The following LIMCH1 variants were observed in gnomAD, a reference collection of about 807,000 sequenced individuals.
LIMCH1 encodes the protein LIM and calponin homology domains-containing protein 1.
In LIMCH1, 113 loss-of-function variants were observed where a neutral mutation model predicts 176.5. That is an observed-to-expected ratio of 0.64 (90% CI 0.55 to 0.75). LIMCH1 has a LOEUF of 0.75. LIMCH1 is among the 30% of genes least tolerant of loss of function. The probability of loss-of-function intolerance (pLI) is 0.00; values close to 1 mark genes in which losing one functional copy is unlikely to be tolerated. For missense variants in LIMCH1, 1,674 were observed against 1,814.9 expected (o/e 0.92, Z 1.41); for synonymous variants, 619 against 645.9 (o/e 0.96, Z 0.63).
intron 23 of LIMCH1, 64 bp downstream of exon 23, chr4:41,676,526 A>G: frequency 8.6e-7 from 1 of 1,165,322 alleles, no homozygotes; most frequent in Non-Finnish European, 1.3e-6. Flanking sequence ...CCATTGCATT[A>G]AATAGACTTT....
chr4:41,631,343 G>A lies in LIMCH1; in HGVS notation c.1467G>A (p.Lys489=), dbSNP rs952154737. 8 of 1,536,126 alleles carry A rather than the reference G, an allele frequency of 5.2e-6. No individual in the cohort carries two copies. In the African/African-American group the frequency reaches 9.6e-5, roughly 18 times the overall value. Residue 489 remains lysine (K), a synonymous_variant, in exon 10 of 32, where the codon AAG becomes AAA. Coordinates refer to ENST00000503057, the MANE Select transcript of LIMCH1 (RefSeq NM_001330672.2). ...AATGGAAGCGGCTTAGCATTGGCAA[G>A]GCTGGGCCTAGAGAGGATGAAGAAG... ...QQKWKRLSIG[K]AGPREDEEEV...
chr4:41,539,325 G>A (rs1211911083), intron 1 of LIMCH1, among the ~76,000 whole-genome samples: 1 of 152,188 alleles, frequency 6.6e-6, no homozygotes, highest in Non-Finnish European at 1.5e-5. Context: ...CCCGGGAGAA[G>A]GGGTTTGTCC....
At chr4:41,523,874 C>A (rs955764991) in intron 2 of LIMCH1, among the ~76,000 whole-genome samples, 1 of 152,182 alleles carries the variant, frequency 6.6e-6, no homozygotes, top group African/African-American at 2.4e-5. Flanking sequence ...ATTGGCTAAC[C>A]TCTTATTAAA....
At chr4:41,471,506 C>T (rs142947070) in intron 1 of LIMCH1, among the ~76,000 whole-genome samples, 357 of 152,340 alleles carry the variant, frequency 2.3e-3, no homozygotes, top group South Asian at 7.2e-3. Flanking sequence ...TGCTGCCCCA[C>T]GTCCATGGCA....
chr4:41,651,346 G>C (rs979850934), intron 18 of LIMCH1, among the ~76,000 whole-genome samples: 1 of 152,052 alleles, frequency 6.6e-6, no homozygotes, highest in Non-Finnish European at 1.5e-5. Flanking sequence ...ATACTGAGTA[G>C]GTCCACCCTT....
intron 1 of LIMCH1, among the ~76,000 whole-genome samples, chr4:41,540,130 T>A (rs1250710695): frequency 1.3e-5 from 2 of 152,204 alleles, no homozygotes; most frequent in Non-Finnish European, 2.9e-5. Context: ...AACACAATCG[T>A]TTGTTTCCTC....
At chr4:41,565,464 AAT>A (rs932440522) in intron 1 of LIMCH1, among the ~76,000 whole-genome samples, 17 of 149,238 alleles carry the variant, frequency 1.1e-4, no homozygotes, top group African/African-American at 1.5e-4. Context: ...ATATGAGATA[AAT>A]ATATATATAT....
rs568341795 is a variant in LIMCH1, at chr4:41,437,504, G to A, written c.97-57032G>A. 2.6e-5 allele frequency among the ~76,000 whole-genome samples: 4 copies of A among 152,216 alleles called. No homozygotes were observed. In the South Asian group the frequency reaches 8.3e-4, roughly 32 times the overall value. On this transcript the variant is annotated intron_variant, in intron 1 of 26. Coordinates refer to the LIMCH1 transcript ENST00000313860. ...TAACAGATAGAAAGGAAACTGTAGT[G>A]GAATTAACTTAAAGAGGAAAGAATT...
chr4:41,375,087 G>A (rs1439875027), intron 1 of LIMCH1, among the ~76,000 whole-genome samples: 2 of 152,182 alleles, frequency 1.3e-5, no homozygotes, highest in African/African-American at 2.4e-5. Context: ...TAAAGTGGAT[G>A]CCAAAGAGGC....
At chr4:41,484,686 A>T (rs549293751) in intron 1 of LIMCH1, among the ~76,000 whole-genome samples, 4 of 152,330 alleles carry the variant, frequency 2.6e-5, no homozygotes, top group Admixed American at 2.6e-4. Flanking sequence ...CTTTTGTACA[A>T]TTTAGGGAAT....
intron 6 of LIMCH1, 38 bp downstream of exon 6, chr4:41,619,478 G>A (rs1271424992): frequency 1.3e-6 from 2 of 1,599,350 alleles, no homozygotes; most frequent in Non-Finnish European, 1.7e-6. Flanking sequence ...CCTGGCTTGG[G>A]CATGAGTGGT....
chr4:41,656,194 C>T (rs1205565101), intron 18 of LIMCH1, among the ~76,000 whole-genome samples: 1 of 152,150 alleles, frequency 6.6e-6, no homozygotes. Flanking sequence ...GTTTTCTGAT[C>T]CAGGAAAACA....
At chr4:41,544,670 T>G (rs149275557) in intron 1 of LIMCH1, among the ~76,000 whole-genome samples, 1 of 152,314 alleles carries the variant, frequency 6.6e-6, no homozygotes, top group East Asian at 1.9e-4. Flanking sequence ...TCTTCTCATG[T>G]GTCTCTGTTG....
chr4:41,510,271 T>G (rs2074717317), intron 2 of LIMCH1, among the ~76,000 whole-genome samples: 1 of 152,208 alleles, frequency 6.6e-6, no homozygotes, highest in Non-Finnish European at 1.5e-5. Flanking sequence ...GAATGATCAA[T>G]TAATTTAAGA....
chr4:41,604,500 CT>C (rs913530852), intron 3 of LIMCH1, among the ~76,000 whole-genome samples: 14 of 152,138 alleles, frequency 9.2e-5, no homozygotes, highest in African/African-American at 3.4e-4. Flanking sequence ...GCTGAAGCCT[CT>C]TTTTAAAAAA....
intron 1 of LIMCH1, among the ~76,000 whole-genome samples, chr4:41,373,451 C>T (rs1305254585): frequency 6.6e-6 from 1 of 152,236 alleles, no homozygotes; most frequent in African/African-American, 2.4e-5. Flanking sequence ...TGGGCCATGG[C>T]TGGCCTTGTC....
At chr4:41,507,329 C>T (rs1159084187) in intron 2 of LIMCH1, among the ~76,000 whole-genome samples, 1 of 152,094 alleles carries the variant, frequency 6.6e-6, no homozygotes, top group Non-Finnish European at 1.5e-5. Flanking sequence ...CATTTCCAGC[C>T]TCTCTCCCCT....
chr4:41,515,587 A>G (rs1029920961), intron 2 of LIMCH1, among the ~76,000 whole-genome samples: 4 of 152,262 alleles, frequency 2.6e-5, no homozygotes, highest in African/African-American at 7.2e-5. Context: ...CATTACATGC[A>G]TTGTTTTACT....
At position 41,452,828 on chromosome 4, in the gene LIMCH1, A is replaced by T. The variant is rs9999139; in HGVS notation, c.97-41708A>T. Among the ~76,000 whole-genome samples, 1,055 of 152,168 alleles carry T rather than the reference A, an allele frequency of 6.9e-3. 14 individuals carry two copies. Among genetic ancestry groups the T allele is most frequent in the Non-Finnish European group, 9.1e-3 (618 of 68,006 alleles). ...ATAGCAGTTTTTGTGCCTTTTTAAT[A>T]TTCACCATGTCTTATATCTAAATGT... On this transcript the variant is annotated intron_variant, in intron 1 of 26. Coordinates refer to the LIMCH1 transcript ENST00000313860.
Sources: gnomAD v4.1 joint callset for allele counts (sites outside exome capture counted in the v4.1 genomes callset) on GRCh38, gnomAD v4.1.1 for gene constraint, MANE v1.5 for transcripts, NCBI Gene and HGNC (gene_info 2026-07-23, HGNC 2026-07-21) for gene names.